The following SLC2A7 variants were observed in gnomAD, a reference collection of about 807,000 sequenced individuals.
SLC2A7 encodes solute carrier family 2 member 7, also known as solute carrier family 2, facilitated glucose transporter member 7.
In SLC2A7, 50 loss-of-function variants were observed where a neutral mutation model predicts 50.5. The ratio of observed to expected loss-of-function variants is 0.99; its 90% confidence interval spans 0.79 to 1.25. The LOEUF (loss-of-function observed/expected upper bound fraction) is 1.25, where lower values mean the gene tolerates loss of function less well. Among genes scored for constraint, SLC2A7 ranks in the 50% most tolerant of loss-of-function variants. SLC2A7 has a pLI of 0.00. For synonymous variants in SLC2A7, 308 were observed against 300.4 expected (o/e 1.03, Z -0.26); for missense variants, 683 against 679.1 (o/e 1.01, Z -0.06).
intron 3 of SLC2A7, among the ~76,000 whole-genome samples, chr1:9,021,545 CTA>C (rs754249724): frequency 4.6e-5 from 7 of 152,130 alleles, no homozygotes; most frequent in Non-Finnish European, 1.0e-4. Flanking sequence ...GGTGAGGACT[CTA>C]TGAAGATATC....
intron 5 of SLC2A7, among the ~76,000 whole-genome samples, chr1:9,016,392 C>T (rs541622806): frequency 8.7e-4 from 132 of 152,244 alleles, no homozygotes; most frequent in African/African-American, 3.0e-3. Context: ...ATTACTTGAG[C>T]CCAGGAGTTA....
At chr1:9,002,072 G>A (rs1462080542), downstream of SLC2A7, among the ~76,000 whole-genome samples, 4 of 133,978 alleles carry the variant, frequency 3.0e-5, no homozygotes, top group East Asian at 3.3e-4. Context: ...AAAAGTCATC[G>A]CCATTCTCCA....
rs1343550271 is a variant in SLC2A7 at position 9,013,538 on chromosome 1, A to G, written c.1001T>C (p.Met334Thr). Residue 334 changes from methionine (M) to threonine (T), a missense_variant, in exon 8 of 12, where the codon ATG (methionine) becomes ACG (threonine). Physicochemically the swap from Met to Thr is moderately conservative, Grantham distance 81. Coordinates refer to ENST00000400906, the MANE Select transcript of SLC2A7 (RefSeq NM_207420.3). Reference protein sequence around the residue: ...TVGSGVVNIVMTITSAVLVER... With the variant: ...TVGSGVVNIVTTITSAVLVER... The stretch of plus-strand genomic sequence containing the variant: ...CTGCTCACTCACCGAGGTGATGGTC[A>G]TCACTATGTTGACGACGCCAGAGCC... The G allele has an allele frequency of 5.0e-6, 8 of 1,613,486 alleles. No homozygotes were observed. The highest frequency in any genetic ancestry group is 1.1e-5 in the South Asian group (1 of 91,032).
intron 7 of SLC2A7, 97 bp downstream of exon 7, chr1:9,014,584 T>C: frequency 1.4e-6 from 2 of 1,441,306 alleles, no homozygotes; most frequent in East Asian, 2.5e-5. Context: ...CTGGCCCCAC[T>C]GCCAGGCCAG....
Position 9,013,452 on chromosome 1 carries a change from G to A in SLC2A7, c.1014+73C>T, listed in dbSNP as rs557927842. ...GGGCCACCAGCACTCAGTTCACTCTGTGGGGCTCCTGTCTGCCTGGCGGCA... is the reference window on the plus strand; with the variant it reads ...GGGCCACCAGCACTCAGTTCACTCTATGGGGCTCCTGTCTGCCTGGCGGCA... On this transcript the variant is annotated intron_variant, in intron 8 of 11. Transcript: ENST00000400906. 52 of 1,345,852 alleles carry A rather than the reference G, an allele frequency of 3.9e-5. No individual in the cohort carries two copies. The Middle Eastern group carries it at 7.7e-4, about 20-fold the overall frequency. 83.4% of individuals were successfully genotyped at this position (1,345,852 alleles called of 1,614,324 possible). A position where few individuals can be genotyped will look rare whatever the true frequency, so the allele number is the denominator to read the frequency against.
intron 10 of SLC2A7, among the ~76,000 whole-genome samples, chr1:9,006,398 C>T (rs1640653925): frequency 6.6e-6 from 1 of 152,176 alleles, no homozygotes; most frequent in Admixed American, 6.5e-5. Context: ...CAGGCGCCCG[C>T]CAACACACCT....
the SLC2A7 span, among the ~76,000 whole-genome samples, chr1:8,993,712 C>T: frequency 6.6e-6 from 1 of 152,352 alleles, no homozygotes; most frequent in Non-Finnish European, 1.5e-5. Flanking sequence ...ACTCTAACCT[C>T]CGCCTCCCAG....
intron 4 of SLC2A7, among the ~76,000 whole-genome samples, chr1:9,018,608 GC>G (rs2124260088): frequency 6.6e-6 from 1 of 152,312 alleles, no homozygotes; most frequent in African/African-American, 2.4e-5. Context: ...TTCCTTTCTA[GC>G]CACCGGGCTG....
intron 9 of SLC2A7, among the ~76,000 whole-genome samples, chr1:9,007,883 C>A (rs184095690): frequency 6.6e-6 from 1 of 151,978 alleles, no homozygotes; most frequent in African/African-American, 2.4e-5. Flanking sequence ...TAGAGGCGTG[C>A]GCCACCACGC....
chr1:9,009,925 T>G (rs913534227), intron 9 of SLC2A7, among the ~76,000 whole-genome samples: 14 of 152,288 alleles, frequency 9.2e-5, no homozygotes, highest in African/African-American at 3.4e-4. Flanking sequence ...AGCTGGACCA[T>G]CTATCCGGTT....
At chr1:9,015,387 C>T (rs1640815656) in intron 5 of SLC2A7, 145 bp from the exon 6 acceptor site, 5 of 1,096,162 alleles carry the variant, frequency 4.6e-6, no homozygotes, top group Admixed American at 6.6e-5. Flanking sequence ...AAATGGTTTC[C>T]ACATTCAAAA....
downstream of SLC2A7, among the ~76,000 whole-genome samples, chr1:9,002,267 T>C (rs759886504): frequency 9.2e-5 from 14 of 151,954 alleles, no homozygotes; most frequent in Non-Finnish European, 5.9e-5. Context: ...GGAGGATTAG[T>C]GAAAGAGGAA....
intron 7 of SLC2A7, among the ~76,000 whole-genome samples, chr1:9,014,359 C>G (rs879572485): frequency 1.3e-5 from 2 of 152,234 alleles, no homozygotes; most frequent in Non-Finnish European, 2.9e-5. Flanking sequence ...GCCTACCAAC[C>G]CAGGCCTGGT....
chr1:8,993,336 C>G, the SLC2A7 span, among the ~76,000 whole-genome samples: 3 of 152,224 alleles, frequency 2.0e-5, no homozygotes, highest in South Asian at 2.1e-4. Context: ...GGTGGGGACA[C>G]AGCCTAAACA....
downstream of SLC2A7, among the ~76,000 whole-genome samples, chr1:9,001,037 T>C (rs543301965): frequency 6.6e-6 from 1 of 152,160 alleles, no homozygotes; most frequent in East Asian, 1.9e-4. Context: ...ATAGCTGTCA[T>C]TGTTTTAAGC....
chr1:9,003,162 A>G lies in SLC2A7; in HGVS notation c.*138T>C, dbSNP rs1012545389. The G allele has an allele frequency of 4.5e-5, 31 of 695,628 alleles. No individual in the cohort carries two copies. Among genetic ancestry groups the G allele is most frequent in the African/African-American group, 4.1e-4 (23 of 55,528 alleles). 43.1% of individuals were successfully genotyped at this position (695,628 alleles called of 1,614,324 possible). On this transcript the variant is annotated 3_prime_UTR_variant, in exon 12 of 12. Transcript: ENST00000400906. ...AAATATGCATTGTTGTGGGTATTTA[A>G]TAATATCCATAATTAAGTTAAATGG...
At chr1:9,023,980 C>T (rs1047189876) in intron 2 of SLC2A7, among the ~76,000 whole-genome samples, 10 of 150,450 alleles carry the variant, frequency 6.6e-5, no homozygotes, top group African/African-American at 1.5e-4. Flanking sequence ...CTCAGCCTCC[C>T]GAGTAGCTGG....
At chr1:9,021,103 G>A (rs1321161479) in intron 3 of SLC2A7, among the ~76,000 whole-genome samples, 2 of 152,104 alleles carry the variant, frequency 1.3e-5, no homozygotes, top group African/African-American at 2.4e-5. Flanking sequence ...TCCGCCTCCC[G>A]GGTTCAAGCA....
intron 7 of SLC2A7, 135 bp from the exon 8 acceptor site, chr1:9,013,770 G>A: frequency 1.5e-6 from 1 of 673,732 alleles, no homozygotes; most frequent in Non-Finnish European, 2.4e-6. Context: ...AGCAGGTGGT[G>A]GGAAAAAGAG....
Sources: gnomAD v4.1 joint callset for allele counts (sites outside exome capture counted in the v4.1 genomes callset) on GRCh38, gnomAD v4.1.1 for gene constraint, MANE v1.5 for transcripts, NCBI Gene and HGNC (gene_info 2026-07-23, HGNC 2026-07-21) for gene names.